MARK2: variants seen among roughly 807,000 people sequenced by gnomAD.
The protein encoded by MARK2 is microtubule affinity regulating kinase 2.
MARK2 carries 16 observed loss-of-function variants against 89.8 expected under a neutral mutation model. The ratio of observed to expected loss-of-function variants is 0.18; its 90% confidence interval spans 0.12 to 0.27. The LOEUF is 0.27. MARK2 is among the 10% of genes least tolerant of loss of function. The pLI, the probability that MARK2 is intolerant of heterozygous loss-of-function variation, is 1.00. For missense variants in MARK2, 621 were observed against 1,049.9 expected (o/e 0.59, Z 5.65); for synonymous variants, 382 against 399.5 (o/e 0.96, Z 0.52).
Position 63,904,226 on chromosome 11 carries a change from A to T in MARK2, c.1676+79A>T. ...CTTGCCCCAACAATTTCTTCTTCCC[A>T]CTTGGGGGTCCTGCTGTGTTCTTGT... On this transcript the variant is annotated intron_variant, in intron 15 of 18. Coordinates refer to ENST00000402010, the MANE Select transcript of MARK2 (RefSeq NM_001039469.3). This position sits in a 1 kb window ranked among gnomAD's most constrained non-coding sequence, Gnocchi z 6.3. The T allele has an allele frequency of 7.9e-7, 1 of 1,262,048 alleles. No homozygotes were observed. The highest frequency in any genetic ancestry group is 1.1e-6 in the Non-Finnish European group (1 of 933,160). 78.2% of individuals were successfully genotyped at this position (1,262,048 alleles called of 1,614,324 possible). A position where few individuals can be genotyped will look rare whatever the true frequency, so the allele number is the denominator to read the frequency against.
chr11:63,867,463 G>A (rs117321161), intron 1 of MARK2, among the ~76,000 whole-genome samples: 4,670 of 152,258 alleles, frequency 0.031, 107 homozygotes, highest in Non-Finnish European at 0.047. Context: ...TGACATTGGG[G>A]TTTTGGATAT....
chr11:63,854,186 CTGTGTGTGTGTG>C (rs55689743), intron 1 of MARK2, among the ~76,000 whole-genome samples: 132 of 141,652 alleles, frequency 9.3e-4, no homozygotes, highest in South Asian at 7.8e-3. Context: ...ACTATTAATT[CTGTGTGTGTGTG>C]TGTGTGTGTG....
intron 1 of MARK2, among the ~76,000 whole-genome samples, chr11:63,883,551 C>A (rs574962214): frequency 6.6e-6 from 1 of 151,968 alleles, no homozygotes; most frequent in South Asian, 2.1e-4. Flanking sequence ...CTGAACACCA[C>A]GTTCTATGGT....
intron 1 of MARK2, among the ~76,000 whole-genome samples, chr11:63,853,460 C>T (rs944765792): frequency 6.6e-6 from 1 of 151,752 alleles, no homozygotes; most frequent in African/African-American, 2.4e-5. Context: ...CAGAATTTTA[C>T]TTTCACCTTA....
At chr11:63,876,303 G>C (rs904356769) in intron 1 of MARK2, among the ~76,000 whole-genome samples, 1 of 152,166 alleles carries the variant, frequency 6.6e-6, no homozygotes, top group Non-Finnish European at 1.5e-5. Flanking sequence ...CAGAGAATTC[G>C]TGATGAGCTT....
chr11:63,858,315 C>CAGTTTTAA (rs2016968280), intron 1 of MARK2, among the ~76,000 whole-genome samples: 1 of 151,992 alleles, frequency 6.6e-6, no homozygotes. Flanking sequence ...TGTGCCTGGC[C>CAGTTTTAA]CTGTAATATA....
At chr11:63,860,616 T>C (rs1331586183) in intron 1 of MARK2, among the ~76,000 whole-genome samples, 1 of 150,852 alleles carries the variant, frequency 6.6e-6, no homozygotes, top group South Asian at 2.1e-4. Context: ...CCCAGCACTT[T>C]GGGAGGCCAG....
At chr11:63,870,711 G>A (rs751598329) in intron 1 of MARK2, among the ~76,000 whole-genome samples, 1 of 152,222 alleles carries the variant, frequency 6.6e-6, no homozygotes, top group Non-Finnish European at 1.5e-5. Flanking sequence ...AGGAAGGCCC[G>A]AGCTGGGAAA....
chr11:63,885,391 T>G (rs1939331249), intron 1 of MARK2, among the ~76,000 whole-genome samples: 1 of 151,054 alleles, frequency 6.6e-6, no homozygotes, highest in Non-Finnish European at 1.5e-5. Flanking sequence ...ATACAAAAAT[T>G]AGCCGGGCGT....
At chr11:63,898,340 T>G in intron 4 of MARK2, 60 bp downstream of exon 4, 1 of 1,497,470 alleles carries the variant, frequency 6.7e-7, no homozygotes, top group Non-Finnish European at 9.3e-7. Context: ...CTTTCCAGCA[T>G]GTCATCTTCT....
At chr11:63,847,596 G>A (rs1054681048) in intron 1 of MARK2, among the ~76,000 whole-genome samples, 4 of 152,204 alleles carry the variant, frequency 2.6e-5, no homozygotes, top group Admixed American at 6.5e-5. Context: ...GGCTGTGTTC[G>A]TTGAGGCGAA....
At chr11:63,888,755 C>A in intron 1 of MARK2, 1 of 1,213,358 alleles carries the variant, frequency 8.2e-7, no homozygotes, top group East Asian at 5.8e-5. Flanking sequence ...AGGAACCGCT[C>A]GGCCTGGCTG....
chr11:63,871,819 A>T (rs1178770712), intron 1 of MARK2, among the ~76,000 whole-genome samples: 1 of 133,764 alleles, frequency 7.5e-6, no homozygotes, highest in Non-Finnish European at 1.6e-5. Flanking sequence ...GTGGGTGAAG[A>T]GTATTCACTG....
At chr11:63,850,910 C>T (rs7948656) in intron 1 of MARK2, among the ~76,000 whole-genome samples, 74,430 of 151,936 alleles carry the variant, frequency 0.49, 20,558 homozygotes, top group East Asian at 0.88. Context: ...GTGATCCTCC[C>T]GCATTGGCCT....
At chr11:63,854,552 A>G (rs1450515669) in intron 1 of MARK2, among the ~76,000 whole-genome samples, 3 of 151,706 alleles carry the variant, frequency 2.0e-5, no homozygotes, top group Admixed American at 2.0e-4. Context: ...AGGTCTCTTT[A>G]GGCCAGGCAT....
Position 63,904,124 on chromosome 11 carries a change from T to C in MARK2, c.1653T>C (p.Ser551=). Residue 551 remains serine (S), a synonymous_variant, in exon 15 of 19, where the codon AGT becomes AGC. Coordinates refer to ENST00000402010, the MANE Select transcript of MARK2 (RefSeq NM_001039469.3). The surrounding 1 kb of genome is among the most constrained non-coding windows in gnomAD (Gnocchi z 6.3). ...NKASGLPPTE[S]NCEVPRPSTA... ...CCTCTGGGCTGCCCCCCACGGAGAG[T>C]AACTGTGAGGTGCCGCGGCCCAGGC... 2 of 1,592,552 alleles carry C rather than the reference T, an allele frequency of 1.3e-6. No homozygotes were observed. The highest frequency in any genetic ancestry group is 8.5e-7 in the Non-Finnish European group (1 of 1,174,502).
chr11:63,909,180 C>T lies in MARK2; in HGVS notation c.2310C>T (p.Gly770=). Residue 770 remains glycine (G), a synonymous_variant, in exon 19 of 19, where the codon GGC becomes GGT. Coordinates refer to ENST00000402010, the MANE Select transcript of MARK2 (RefSeq NM_001039469.3). ...GGGTTCGATTTAAGCGGATATCGGG[C>T]ACCTCCATGGCCTTCAAAAACATTG... ...LNGVRFKRIS[G]TSMAFKNIAS... is the part of the protein sequence containing the mutation. 6.2e-7 allele frequency: 1 copy of T among 1,611,184 alleles called. No individual in the cohort carries two copies. The highest frequency in any genetic ancestry group is 8.5e-7 in the Non-Finnish European group (1 of 1,177,638).
chr11:63,900,050 A>C lies in MARK2; in HGVS notation c.708A>C (p.Leu236=). The C allele has an allele frequency of 6.2e-7, 1 of 1,614,190 alleles. No homozygotes were observed. The highest frequency in any genetic ancestry group is 8.5e-7 in the Non-Finnish European group (1 of 1,180,038). The change falls in exon 8 of 19, where the codon CTA becomes CTC. Residue 236 remains leucine, a synonymous_variant. Transcript: ENST00000402010. The surrounding 1 kb of genome is among the most constrained non-coding windows in gnomAD (Gnocchi z 4.7). The stretch of plus-strand genomic sequence containing the variant: ...GACCCGAGGTGGATGTGTGGAGCCT[A>C]GGAGTTATCCTCTATACACTGGTCA... The part of the protein sequence containing the change: ...YDGPEVDVWS[L]GVILYTLVSG...
Position 63,900,134 on chromosome 11 carries a change from AT to A in MARK2, c.768+26del. On this transcript the variant is annotated intron_variant, in intron 8 of 18. Transcript: ENST00000402010. This position sits in a 1 kb window ranked among gnomAD's most constrained non-coding sequence, Gnocchi z 4.7. ...AGGTGGAGTGAAGTGCAAGCTTTTT[AT>A]TGCTTCTCATTTCCTCTCGGCCTCT... 1 of 1,524,840 alleles carries A rather than the reference AT, an allele frequency of 6.6e-7. No homozygotes were observed. The highest frequency in any genetic ancestry group is 9.1e-7 in the Non-Finnish European group (1 of 1,099,052). The allele number at this position is 1,524,840 out of a possible 1,614,324, so 94.5% of individuals were successfully genotyped here.
Sources: allele counts gnomAD v4.1 joint callset (sites outside exome capture counted in the v4.1 genomes callset), GRCh38; gene constraint gnomAD v4.1.1; non-coding constraint Gnocchi (gnomAD v3.1); transcripts MANE v1.5; gene names NCBI Gene and HGNC (gene_info 2026-07-23, HGNC 2026-07-21).